The following GALNT14 variants were observed in gnomAD, a reference collection of about 807,000 sequenced individuals.
The protein encoded by GALNT14 is polypeptide N-acetylgalactosaminyltransferase 14.
A neutral mutation model predicts 77.5 loss-of-function variants in GALNT14; 60 were observed. The observed-to-expected ratio is 0.77, with a 90% CI of 0.63 to 0.96. The LOEUF (loss-of-function observed/expected upper bound fraction) is 0.96, where lower values mean the gene tolerates loss of function less well. Among genes scored for constraint, GALNT14 ranks in the 40% least tolerant of loss-of-function variants. The probability of loss-of-function intolerance (pLI) is 0.00; values close to 1 mark genes in which losing one functional copy is unlikely to be tolerated. For missense variants in GALNT14, 710 were observed against 731.0 expected (o/e 0.97, Z 0.33); for synonymous variants, 280 against 281.7 (o/e 0.99, Z 0.06).
chr2:31,039,717 A>T (rs1032387542), intron 1 of GALNT14, among the ~76,000 whole-genome samples: 1 of 152,294 alleles, frequency 6.6e-6, no homozygotes, highest in South Asian at 2.1e-4. Flanking sequence ...TTATTCATAA[A>T]CATAGGAGGG....
chr2:31,136,554 C>T (rs1025004657), intron 1 of GALNT14, among the ~76,000 whole-genome samples: 1 of 152,180 alleles, frequency 6.6e-6, no homozygotes, highest in Non-Finnish European at 1.5e-5. Context: ...AGAGTAAATT[C>T]TATCTCTCTC....
At chr2:31,056,546 T>C (rs917929919) in intron 1 of GALNT14, among the ~76,000 whole-genome samples, 1 of 152,168 alleles carries the variant, frequency 6.6e-6, no homozygotes, top group African/African-American at 2.4e-5. Flanking sequence ...TTCAGATCAA[T>C]GTACCAGGGT....
At chr2:31,049,864 T>C (rs1673726251) in intron 1 of GALNT14, among the ~76,000 whole-genome samples, 1 of 152,226 alleles carries the variant, frequency 6.6e-6, no homozygotes, top group South Asian at 2.1e-4. Context: ...CAGCAGCCTT[T>C]ATGTGCCTTG....
chr2:30,893,371 T>C, the GALNT14 span, among the ~76,000 whole-genome samples: 1 of 152,030 alleles, frequency 6.6e-6, no homozygotes, highest in Non-Finnish European at 1.5e-5. Flanking sequence ...GATAGAAAAC[T>C]AGGGAAGCGA....
intron 1 of GALNT14, among the ~76,000 whole-genome samples, chr2:31,044,738 C>A (rs777733811): frequency 7.1e-6 from 1 of 141,252 alleles, no homozygotes; most frequent in East Asian, 2.2e-4. Flanking sequence ...GGCAACATGG[C>A]GAAATTCCAT....
intron 13 of GALNT14, among the ~76,000 whole-genome samples, chr2:30,918,867 G>A (rs1311069049): frequency 6.7e-6 from 1 of 149,438 alleles, no homozygotes; most frequent in Non-Finnish European, 1.5e-5. Flanking sequence ...CGGGGAAGGT[G>A]GCATCAGGCA....
At chr2:30,994,313 G>A (rs1485141042) in intron 1 of GALNT14, among the ~76,000 whole-genome samples, 1 of 152,176 alleles carries the variant, frequency 6.6e-6, no homozygotes, top group African/African-American at 2.4e-5. Context: ...TGCACCTCCT[G>A]CACTCGGGAA....
At chr2:31,134,087 A>T (rs998021009) in intron 1 of GALNT14, among the ~76,000 whole-genome samples, 3 of 152,182 alleles carry the variant, frequency 2.0e-5, no homozygotes, top group Admixed American at 2.0e-4. Flanking sequence ...AGGTGAGTGG[A>T]GACATTTCCT....
intron 1 of GALNT14, among the ~76,000 whole-genome samples, chr2:31,057,570 C>T (rs576965056): frequency 1.1e-4 from 16 of 151,924 alleles, no homozygotes; most frequent in South Asian, 6.2e-4. Flanking sequence ...GCCCTTCTCA[C>T]AGTCACCCGG....
At position 31,024,691 on chromosome 2, in the gene GALNT14, G is replaced by C. The variant is rs564201431; in HGVS notation, c.130-31684C>G. Among the ~76,000 whole-genome samples the C allele has an allele frequency of 2.9e-4, 44 of 152,302 alleles. 1 individual carries two copies. In the South Asian group the frequency reaches 8.5e-3, roughly 29 times the overall value. Reference sequence around the variant, plus strand: ...CTTTGCTTTCTGTCTCCTCTTGCTAGAATGTTGGCCTCGTGAGGACAGGAA... The same window carrying C: ...CTTTGCTTTCTGTCTCCTCTTGCTACAATGTTGGCCTCGTGAGGACAGGAA... On this transcript the variant is annotated intron_variant, in intron 1 of 14. Transcript: ENST00000349752.
chr2:30,936,581 A>C (rs1250057966), intron 9 of GALNT14, among the ~76,000 whole-genome samples: 1 of 152,198 alleles, frequency 6.6e-6, no homozygotes, highest in Non-Finnish European at 1.5e-5. Context: ...TGTCATTCAT[A>C]AGTCCACACA....
the GALNT14 span, among the ~76,000 whole-genome samples, chr2:30,904,488 C>T: frequency 1.3e-5 from 2 of 152,224 alleles, no homozygotes; most frequent in South Asian, 4.1e-4. Flanking sequence ...CACCCGAATA[C>T]TGCGCTTTTC....
intron 14 of GALNT14, 117 bp from the exon 15 acceptor site, chr2:30,911,176 G>C: frequency 1.1e-6 from 1 of 882,440 alleles, no homozygotes; most frequent in Admixed American, 2.5e-5. Context: ...TTGATTTCAT[G>C]GTTTCATAAG....
At chr2:31,004,687 C>T (rs1390334717) in intron 1 of GALNT14, among the ~76,000 whole-genome samples, 1 of 152,138 alleles carries the variant, frequency 6.6e-6, no homozygotes, top group East Asian at 1.9e-4. Context: ...GAGTCAGATG[C>T]CCACCCCACT....
At chr2:30,957,672 C>G (rs1011998093) in intron 4 of GALNT14, among the ~76,000 whole-genome samples, 2 of 152,162 alleles carry the variant, frequency 1.3e-5, no homozygotes, top group Non-Finnish European at 2.9e-5. Flanking sequence ...GGGGTGGCTC[C>G]CAATGCCCAG....
intron 1 of GALNT14, among the ~76,000 whole-genome samples, chr2:31,049,860 C>G (rs1176090349): frequency 6.6e-6 from 1 of 152,140 alleles, no homozygotes; most frequent in Non-Finnish European, 1.5e-5. Flanking sequence ...TTTACAGCAG[C>G]CTTTATGTGC....
At chr2:30,960,825 G>T (rs532666976) in intron 3 of GALNT14, among the ~76,000 whole-genome samples, 1 of 152,120 alleles carries the variant, frequency 6.6e-6, no homozygotes, top group Non-Finnish European at 1.5e-5. Flanking sequence ...AAATCCATTC[G>T]TCCAGGCCCA....
At chr2:31,080,438 G>A (rs1676088932) in intron 1 of GALNT14, among the ~76,000 whole-genome samples, 1 of 152,168 alleles carries the variant, frequency 6.6e-6, no homozygotes, top group South Asian at 2.1e-4. Context: ...ATCCCTGCTA[G>A]AACTAAGTGG....
intron 1 of GALNT14, among the ~76,000 whole-genome samples, chr2:31,047,867 A>G (rs1673572018): frequency 6.6e-6 from 1 of 152,186 alleles, no homozygotes; most frequent in Admixed American, 6.5e-5. Flanking sequence ...AGCCACAACC[A>G]CAAAGGGAAT....
Sources: gnomAD v4.1 joint callset for allele counts (sites outside exome capture counted in the v4.1 genomes callset) on GRCh38, gnomAD v4.1.1 for gene constraint, MANE v1.5 for transcripts, NCBI Gene and HGNC (gene_info 2026-07-23, HGNC 2026-07-21) for gene names.